Variants in TCF12 observed in about 807,000 individuals in gnomAD.
TCF12 encodes the protein transcription factor 12.
A neutral mutation model predicts 86.0 loss-of-function variants in TCF12; 45 were observed. The observed-to-expected ratio is 0.52, with a 90% CI of 0.41 to 0.67. The LOEUF is 0.67. Ranked by LOEUF, TCF12 falls within the 30% of genes least tolerant of loss-of-function variation. The probability of loss-of-function intolerance (pLI) is 0.00; values close to 1 mark genes in which losing one functional copy is unlikely to be tolerated. For synonymous variants in TCF12, 330 were observed against 299.6 expected, an observed-to-expected ratio of 1.10 and a Z score of -1.05; for missense variants, 881 against 859.9, an observed-to-expected ratio of 1.02 and a Z score of -0.31.
In TCF12 at chr15:57,214,638, T is replaced by G. The variant is rs545268459; in HGVS notation, c.580-16514T>G. On this transcript the variant is annotated intron_variant, in intron 8 of 20. Coordinates refer to ENST00000333725, the MANE Select transcript of TCF12 (RefSeq NM_207037.2). ...TGAGACAGACGCTATTTTATGAATT[T>G]TAGCATGTGTCTTTACATTGTGTTG... 1.2e-4 allele frequency among the ~76,000 whole-genome samples: 18 copies of G among 152,342 alleles called. No individual in the cohort carries two copies. In the South Asian group the frequency reaches 3.3e-3, roughly 28 times the overall value.
intron 3 of TCF12, among the ~76,000 whole-genome samples, chr15:56,940,465 C>G (rs574379483): frequency 6.7e-6 from 1 of 150,304 alleles, no homozygotes; most frequent in Non-Finnish European, 1.5e-5. Flanking sequence ...TTTCTTCTTC[C>G]TCTTCTTCTT....
chr15:56,968,146 G>T (rs992682882), intron 3 of TCF12, among the ~76,000 whole-genome samples: 1 of 151,976 alleles, frequency 6.6e-6, no homozygotes, highest in Non-Finnish European at 1.5e-5. Flanking sequence ...TAGTAGAGAT[G>T]GGATTTTGCC....
intron 8 of TCF12, among the ~76,000 whole-genome samples, chr15:57,201,221 C>G (rs1250537482): frequency 1.3e-5 from 2 of 151,656 alleles, no homozygotes; most frequent in African/African-American, 4.8e-5. Context: ...ATACAAACAC[C>G]ATAATTGTCT....
intron 3 of TCF12, among the ~76,000 whole-genome samples, chr15:56,969,374 G>A (rs753913190): frequency 3.4e-4 from 52 of 152,062 alleles, no homozygotes; most frequent in Admixed American, 1.5e-3. Flanking sequence ...ATATATCGGA[G>A]GTAGAACTGA....
chr15:57,110,291 T>G (rs900158422), intron 5 of TCF12, among the ~76,000 whole-genome samples: 8 of 131,950 alleles, frequency 6.1e-5, no homozygotes, highest in Non-Finnish European at 1.1e-4. Flanking sequence ...GTTTTAGGAG[T>G]TCTATTTTAA....
At chr15:56,930,848 T>G (rs2060213873) in intron 3 of TCF12, among the ~76,000 whole-genome samples, 1 of 152,212 alleles carries the variant, frequency 6.6e-6, no homozygotes. Flanking sequence ...TTTTGATGGC[T>G]AAATCTGATC....
intron 20 of TCF12, among the ~76,000 whole-genome samples, chr15:57,284,261 A>G (rs2440974): frequency 0.19 from 28,648 of 151,904 alleles, 3,185 homozygotes; most frequent in Non-Finnish European, 0.24. Context: ...CTGGAGTGCA[A>G]TGGTGTGATC....
At chr15:56,995,600 G>A (rs1261181097) in intron 3 of TCF12, among the ~76,000 whole-genome samples, 1 of 151,642 alleles carries the variant, frequency 6.6e-6, no homozygotes, top group Non-Finnish European at 1.5e-5. Flanking sequence ...TCTTGTTTTG[G>A]CTCTTAGGTT....
intron 3 of TCF12, among the ~76,000 whole-genome samples, chr15:57,063,181 C>A (rs960046744): frequency 7.9e-5 from 12 of 152,092 alleles, no homozygotes; most frequent in Admixed American, 2.0e-4. Flanking sequence ...GGAAGTGTCA[C>A]CCACAAAATT....
At chr15:57,024,397 A>C (rs2065695547) in intron 3 of TCF12, among the ~76,000 whole-genome samples, 1 of 151,978 alleles carries the variant, frequency 6.6e-6, no homozygotes, top group Non-Finnish European at 1.5e-5. Context: ...TATTTTCAGT[A>C]GAGATGTGGT....
chr15:57,151,109 C>A (rs1054173438), intron 5 of TCF12, among the ~76,000 whole-genome samples: 5 of 150,744 alleles, frequency 3.3e-5, no homozygotes, highest in African/African-American at 7.3e-5. Flanking sequence ...TCCCAAGTAG[C>A]TAGGACTGCA....
At chr15:57,152,595 A>C (rs1320058845) in intron 5 of TCF12, among the ~76,000 whole-genome samples, 1 of 152,154 alleles carries the variant, frequency 6.6e-6, no homozygotes, top group African/African-American at 2.4e-5. Flanking sequence ...TAGACAACCC[A>C]GTTGCTGAAG....
At chr15:57,002,117 G>A (rs1309747079) in intron 3 of TCF12, among the ~76,000 whole-genome samples, 1 of 152,168 alleles carries the variant, frequency 6.6e-6, no homozygotes, top group Non-Finnish European at 1.5e-5. Context: ...AGCACAAGTG[G>A]TGACCTATGC....
intron 3 of TCF12, among the ~76,000 whole-genome samples, chr15:57,029,681 GA>G (rs2066029471): frequency 6.6e-6 from 1 of 152,122 alleles, no homozygotes; most frequent in South Asian, 2.1e-4. Context: ...CCACGGTCAA[GA>G]TATATATAGT....
chr15:57,157,328 C>G (rs982001965), intron 5 of TCF12, among the ~76,000 whole-genome samples: 3 of 151,074 alleles, frequency 2.0e-5, no homozygotes, highest in African/African-American at 7.3e-5. Context: ...TTTTGACTTG[C>G]TGTAAAAAAT....
chr15:57,140,545 G>A (rs1357590988), intron 5 of TCF12, among the ~76,000 whole-genome samples: 2 of 152,152 alleles, frequency 1.3e-5, no homozygotes, highest in Non-Finnish European at 2.9e-5. Context: ...TAAGGTTCCT[G>A]CATTCATAGA....
chr15:57,279,698 A>G (rs1452347474), intron 19 of TCF12, among the ~76,000 whole-genome samples: 2 of 152,114 alleles, frequency 1.3e-5, no homozygotes, highest in African/African-American at 4.8e-5. Flanking sequence ...CATGTCTCCT[A>G]GATCCTGGTG....
chr15:56,921,099 G>T lies in TCF12; in HGVS notation c.148+1G>T. ...GGAAGCAGTCAATTCAGTGGATCAGGTAAGATGATGTCTTAAACTAAAGAC... is the reference window on the plus strand; with the variant it reads ...GGAAGCAGTCAATTCAGTGGATCAGTTAAGATGATGTCTTAAACTAAAGAC... On this transcript the variant is annotated splice_donor_variant, in intron 3 of 20. Transcript: ENST00000333725. LOFTEE classifies it high-confidence loss of function. 1 of 1,602,882 alleles carries T rather than the reference G, an allele frequency of 6.2e-7. No individual in the cohort carries two copies. Among genetic ancestry groups the T allele is most frequent in the Non-Finnish European group, 8.5e-7 (1 of 1,174,088 alleles).
At position 57,158,872 on chromosome 15, in the gene TCF12, T is replaced by C. The variant is rs187176871; in HGVS notation, c.326-7530T>C. Among the ~76,000 whole-genome samples the C allele has an allele frequency of 1.9e-3, 283 of 152,332 alleles. 2 individuals are homozygous for C. Among genetic ancestry groups the C allele is most frequent in the Admixed American group, 4.8e-3 (73 of 15,306 alleles). On this transcript the variant is annotated intron_variant, in intron 5 of 20. Transcript: ENST00000333725. Reference sequence around the variant, plus strand: ...CAGCTGTGCCTGTTGGCACTAGATATTTAAGCATCTTCACTGTAGCCAGCA... The same window carrying C: ...CAGCTGTGCCTGTTGGCACTAGATACTTAAGCATCTTCACTGTAGCCAGCA...
Sources: allele counts gnomAD v4.1 joint callset (sites outside exome capture counted in the v4.1 genomes callset), GRCh38; gene constraint gnomAD v4.1.1; transcripts MANE v1.5; gene names NCBI Gene and HGNC (gene_info 2026-07-23, HGNC 2026-07-21).